The following ZEB2 variants were observed in gnomAD, a reference collection of about 807,000 sequenced individuals.
ZEB2 encodes zinc finger E-box-binding homeobox 2.
ZEB2 carries 6 observed loss-of-function variants against 99.9 expected under a neutral mutation model. The ratio of observed to expected loss-of-function variants is 0.06; its 90% confidence interval spans 0.03 to 0.12. ZEB2 has a LOEUF of 0.12. Ranked by LOEUF, ZEB2 falls within the 10% of genes least tolerant of loss-of-function variation. The pLI, the probability that ZEB2 is intolerant of heterozygous loss-of-function variation, is 1.00. For synonymous variants in ZEB2, 517 were observed against 542.5 expected, an observed-to-expected ratio of 0.95 and a Z score of 0.65; for missense variants, 969 against 1,502.8, an observed-to-expected ratio of 0.64 and a Z score of 5.87.
At chr2:144,512,800 T>C (rs1347344008) in intron 2 of ZEB2, 2 of 1,287,198 alleles carry the variant, frequency 1.6e-6, no homozygotes, top group Non-Finnish European at 2.0e-6. Flanking sequence ...GCCTTGTGTG[T>C]GTGCAGCGTG....
rs749708858 is a variant in ZEB2 at position 144,398,379 on chromosome 2, G to C, written c.2808C>G (p.Ala936=). ...LDQMSFLPHM[A]YTYPTGAATF... ...TAGCTGCTCCAGTTGGGTAGGTGTA[G>C]GCCATATGTGGTAGGAAGCTCATCT... Residue 936 remains alanine, a synonymous_variant, in exon 8 of 10, where the codon GCC becomes GCG. Transcript: ENST00000627532. 1.9e-6 allele frequency: 3 copies of C among 1,614,072 alleles called. No individual in the cohort carries two copies. Among genetic ancestry groups the C allele is most frequent in the Non-Finnish European group, 2.5e-6 (3 of 1,179,982 alleles).
chr2:144,498,030 TAA>T lies in ZEB2; in HGVS notation c.73+19246_73+19247del, dbSNP rs1378151116. Among the ~76,000 whole-genome samples the T allele has an allele frequency of 1.8e-3, 90 of 49,336 alleles. 8 individuals are homozygous for T. Among genetic ancestry groups the T allele is most frequent in the Non-Finnish European group, 3.1e-3 (82 of 26,254 alleles). 32.4% of individuals were successfully genotyped at this position (49,336 alleles called of 152,430 possible). A position where few individuals can be genotyped will look rare whatever the true frequency, so the allele number is the denominator to read the frequency against. On this transcript the variant is annotated intron_variant, in intron 2 of 9. Transcript: ENST00000627532. Reference sequence around the variant, plus strand: ...TAATATATTAATATTATATATTATATAATATATATTAATATTATATATTATAT... The same window carrying T: ...TAATATATTAATATTATATATTATATTATATATTAATATTATATATTATAT...
chr2:144,483,150 A>ACACACACACACACACATGCG (rs1553968387), intron 2 of ZEB2, among the ~76,000 whole-genome samples: 142 of 149,654 alleles, frequency 9.5e-4, no homozygotes, highest in East Asian at 9.5e-3. Context: ...ACACACACAC[A>ACACACACACACACACATGCG]CACACACACA....
rs1305979829 is a variant in ZEB2, at chr2:144,404,934, T to C, written c.494A>G (p.Glu165Gly). 1.2e-6 allele frequency: 2 copies of C among 1,614,250 alleles called. No homozygotes were observed. Among genetic ancestry groups the C allele is most frequent in the Admixed American group, 1.7e-5 (1 of 60,036 alleles). Reference protein sequence around the residue: ...ERDGHAVSIEEYLQRSDTAII... With the variant: ...ERDGHAVSIEGYLQRSDTAII... ...GGCTGTGTCACTGCGCTGAAGGTAC[T>C]CCTCGATGCTGACTGCATGACCATC... Residue 165 changes from glutamate (E) to glycine (G), a missense_variant, in exon 5 of 10, where the codon GAG becomes GGG. Glu to Gly is a moderately conservative substitution (Grantham distance 98). Coordinates refer to ENST00000627532, the MANE Select transcript of ZEB2 (RefSeq NM_014795.4).
At chr2:144,483,840 T>C (rs1222111040) in intron 2 of ZEB2, among the ~76,000 whole-genome samples, 2 of 152,196 alleles carry the variant, frequency 1.3e-5, no homozygotes, top group Non-Finnish European at 2.9e-5. Context: ...TTGTTCTAAA[T>C]GGGGCTGATT....
rs777325391 is a variant in ZEB2, at chr2:144,399,641, C to G, written c.1546G>C (p.Val516Leu). The change falls in exon 8 of 10, where the codon GTG (valine) becomes CTG (leucine). Residue 516 changes from valine to leucine, a missense_variant. Around this residue, in one of 8 missense-constraint regions of ZEB2, gnomAD observed 227 missense variants for 278.2 expected, o/e 0.82. Transcript: ENST00000627532. The surrounding 1 kb of genome is among the most constrained non-coding windows in gnomAD (Gnocchi z 5.6). ...PNIPPVGLPV[V>L]SHNGATKSII... ...CTTTTAGTGGCACCATTATGACTCA[C>G]TACCGGAAGACCGACAGGCGGAATA... 2 of 1,614,218 alleles carry G rather than the reference C, an allele frequency of 1.2e-6. No individual in the cohort carries two copies. The highest frequency in any genetic ancestry group is 1.7e-6 in the Non-Finnish European group (2 of 1,180,034).
At chr2:144,487,140 T>C (rs1191303889) in intron 2 of ZEB2, among the ~76,000 whole-genome samples, 1 of 152,226 alleles carries the variant, frequency 6.6e-6, no homozygotes, top group Non-Finnish European at 1.5e-5. Context: ...TTTGATGTTT[T>C]TATCTCTCTG....
chr2:144,395,992 G>A (rs946976952), intron 9 of ZEB2, among the ~76,000 whole-genome samples: 21 of 151,488 alleles, frequency 1.4e-4, no homozygotes, highest in African/African-American at 4.9e-4. Flanking sequence ...CTAAATTATG[G>A]CTTTCTTGGT....
In ZEB2 at chr2:144,386,156, C is replaced by T. The variant is rs538225246; in HGVS notation, c.*3295G>A. On this transcript the variant is annotated 3_prime_UTR_variant, in exon 10 of 10. Transcript: ENST00000627532. ...TCCTCATCCTCCCCTGCCCCCTATT[C>T]GAGGGGGGAAAGGTTAGATTTAGAA... 6.6e-6 allele frequency: 1 copy of T among 152,012 alleles called. No individual in the cohort carries two copies. The highest frequency in any genetic ancestry group is 6.5e-5 in the Admixed American group (1 of 15,278). 9.4% of individuals were successfully genotyped at this position (152,012 alleles called of 1,614,324 possible).
intron 2 of ZEB2, among the ~76,000 whole-genome samples, chr2:144,499,351 G>A (rs74850923): frequency 0.011 from 1,740 of 152,162 alleles, 13 homozygotes; most frequent in Non-Finnish European, 0.019. Context: ...AAAGTCTAGC[G>A]GTTTAATAGT....
chr2:144,408,277 TA>T (rs1447524502), intron 4 of ZEB2, among the ~76,000 whole-genome samples: 2 of 152,198 alleles, frequency 1.3e-5, no homozygotes, highest in African/African-American at 4.8e-5. Context: ...TCCTTAACAC[TA>T]ATCTTGGTGT....
At chr2:144,421,787 A>G (rs1211639932) in intron 4 of ZEB2, among the ~76,000 whole-genome samples, 3 of 152,020 alleles carry the variant, frequency 2.0e-5, no homozygotes, top group Admixed American at 6.5e-5. Context: ...TGTGATCTTG[A>G]ACATGATCTG....
At chr2:144,429,707 A>G (rs1338928825) in intron 3 of ZEB2, 62 bp downstream of exon 3, 10 of 1,612,632 alleles carry the variant, frequency 6.2e-6, no homozygotes, top group Non-Finnish European at 8.5e-6. Context: ...TGCTAGGTGG[A>G]ACAGATTAGT....
At chr2:144,433,871 G>C (rs973797021) in intron 2 of ZEB2, among the ~76,000 whole-genome samples, 1 of 152,064 alleles carries the variant, frequency 6.6e-6, no homozygotes, top group Non-Finnish European at 1.5e-5. Context: ...AGCAAAATTT[G>C]ACATTTTTAT....
chr2:144,459,981 G>T (rs1299035223), intron 2 of ZEB2, among the ~76,000 whole-genome samples: 2 of 152,120 alleles, frequency 1.3e-5, no homozygotes, highest in Non-Finnish European at 2.9e-5. Context: ...AGATCCTGAA[G>T]AAAATATGAA....
intron 4 of ZEB2, among the ~76,000 whole-genome samples, chr2:144,412,294 T>C (rs1183426855): frequency 1.3e-5 from 2 of 152,188 alleles, no homozygotes; most frequent in African/African-American, 4.8e-5. Flanking sequence ...AAATTCCCAA[T>C]ATAGACAATA....
intron 2 of ZEB2, chr2:144,512,850 G>C (rs1478141644): frequency 1.6e-6 from 2 of 1,287,232 alleles, no homozygotes; most frequent in Non-Finnish European, 2.0e-6. Flanking sequence ...AAAAAGGATG[G>C]AGATGGATAT....
intron 2 of ZEB2, among the ~76,000 whole-genome samples, chr2:144,439,488 G>C (rs1703879503): frequency 6.6e-6 from 1 of 152,172 alleles, no homozygotes; most frequent in Non-Finnish European, 1.5e-5. Flanking sequence ...AGTTAATATG[G>C]GTTAATTAAT....
In ZEB2 at chr2:144,513,748, A is replaced by G. The variant is rs780322202; in HGVS notation, c.73+3530T>C. 5.2e-6 allele frequency: 8 copies of G among 1,535,998 alleles called. No individual in the cohort carries two copies. In the South Asian group the frequency reaches 9.5e-5, roughly 18 times the overall value. Reference sequence around the variant, plus strand: ...TTACAAACGGGCCGCACCGGTGGCAAGCAGCAGCAGGGCATCTCCCGCTCC... The same window carrying G: ...TTACAAACGGGCCGCACCGGTGGCAGGCAGCAGCAGGGCATCTCCCGCTCC... On this transcript the variant is annotated intron_variant, in intron 2 of 9. Coordinates refer to ENST00000627532, the MANE Select transcript of ZEB2 (RefSeq NM_014795.4).
Sources: gnomAD v4.1 joint callset for allele counts (sites outside exome capture counted in the v4.1 genomes callset) on GRCh38, gnomAD v4.1.1 for gene constraint, gnomAD v4.1.1 regional missense constraint, Gnocchi (gnomAD v3.1) non-coding constraint, MANE v1.5 for transcripts, NCBI Gene and HGNC (gene_info 2026-07-23, HGNC 2026-07-21) for gene names.